Variants in UNC5D observed in about 807,000 individuals in gnomAD.
UNC5D encodes the protein netrin receptor UNC5D.
UNC5D carries 39 observed loss-of-function variants against 105.4 expected under a neutral mutation model. The observed-to-expected ratio is 0.37, with a 90% CI of 0.29 to 0.48. The LOEUF (loss-of-function observed/expected upper bound fraction) is 0.48, where lower values mean the gene tolerates loss of function less well. Among genes scored for constraint, UNC5D ranks in the 20% least tolerant of loss-of-function variants. The pLI, the probability that UNC5D is intolerant of heterozygous loss-of-function variation, is 0.98. For missense variants in UNC5D, 991 were observed against 1,202.4 expected, an observed-to-expected ratio of 0.82 and a Z score of 2.60; for synonymous variants, 452 against 450.4, an observed-to-expected ratio of 1.00 and a Z score of -0.04.
At chr8:35,649,751 TC>T (rs1290621966) in intron 4 of UNC5D, among the ~76,000 whole-genome samples, 1 of 152,130 alleles carries the variant, frequency 6.6e-6, no homozygotes, top group Non-Finnish European at 1.5e-5. Context: ...TGGAAAAACA[TC>T]AGACAAACTC....
At chr8:35,389,129 A>G (rs1318749012) in intron 1 of UNC5D, among the ~76,000 whole-genome samples, 1 of 152,244 alleles carries the variant, frequency 6.6e-6, no homozygotes, top group Non-Finnish European at 1.5e-5. Flanking sequence ...TTTCTACACT[A>G]CATGTGTATC....
chr8:35,587,678 G>T (rs1202279929), intron 3 of UNC5D, among the ~76,000 whole-genome samples: 1 of 151,988 alleles, frequency 6.6e-6, no homozygotes, highest in Admixed American at 6.6e-5. Flanking sequence ...TTCTTTGATA[G>T]ACATCGTAGG....
chr8:35,719,139 T>TACACACACACAC (rs1281900246), intron 8 of UNC5D, among the ~76,000 whole-genome samples: 1 of 67,248 alleles, frequency 1.5e-5, no homozygotes, highest in Non-Finnish European at 3.2e-5. Context: ...CACATGTGCT[T>TACACACACACAC]ATACACACAC....
rs964263087 is a variant in UNC5D at position 35,603,084 on chromosome 8, T to C, written c.570+7427T>C. Among the ~76,000 whole-genome samples, 8 of 152,166 alleles carry C rather than the reference T, an allele frequency of 5.3e-5. No individual in the cohort carries two copies. In the East Asian group the frequency reaches 7.7e-4, roughly 15 times the overall value. On this transcript the variant is annotated intron_variant, in intron 4 of 16. Coordinates refer to ENST00000404895, the MANE Select transcript of UNC5D (RefSeq NM_080872.4). Reference sequence around the variant, plus strand: ...GATCTTAGTTATTTCTTGCCTTCTGTTAGCTTTTGAATGTGTTTGCTCTTG... The same window carrying C: ...GATCTTAGTTATTTCTTGCCTTCTGCTAGCTTTTGAATGTGTTTGCTCTTG...
chr8:35,297,102 T>C (rs1237809519), intron 1 of UNC5D, among the ~76,000 whole-genome samples: 2 of 152,202 alleles, frequency 1.3e-5, no homozygotes, highest in African/African-American at 2.4e-5. Context: ...TTTGCCTTCA[T>C]TGAGTACCAC....
chr8:35,348,962 A>G (rs755912264), intron 1 of UNC5D, among the ~76,000 whole-genome samples: 1 of 151,976 alleles, frequency 6.6e-6, no homozygotes, highest in Non-Finnish European at 1.5e-5. Context: ...TAACACAAAC[A>G]GTGTATTATC....
intron 15 of UNC5D, among the ~76,000 whole-genome samples, chr8:35,771,469 A>G (rs1224405533): frequency 6.6e-6 from 1 of 152,248 alleles, no homozygotes; most frequent in Admixed American, 6.5e-5. Context: ...AAGTCAGAAA[A>G]TATGCAAGGA....
At chr8:35,455,730 G>A (rs575506161) in intron 1 of UNC5D, among the ~76,000 whole-genome samples, 12 of 151,662 alleles carry the variant, frequency 7.9e-5, no homozygotes, top group Non-Finnish European at 1.6e-4. Flanking sequence ...TGGCTGAGGA[G>A]GCCTCACAAT....
chr8:35,264,716 C>A (rs1295508640), intron 1 of UNC5D, among the ~76,000 whole-genome samples: 1 of 140,626 alleles, frequency 7.1e-6, no homozygotes, highest in Non-Finnish European at 1.5e-5. Flanking sequence ...GGTGATGGAG[C>A]AAGACTCTGT....
chr8:35,509,294 A>G (rs1812535472), intron 1 of UNC5D, among the ~76,000 whole-genome samples: 1 of 151,656 alleles, frequency 6.6e-6, no homozygotes, highest in African/African-American at 2.4e-5. Flanking sequence ...TAGGTTTACT[A>G]TTGTAGCAAA....
intron 8 of UNC5D, among the ~76,000 whole-genome samples, chr8:35,721,761 T>C (rs181088311): frequency 1.3e-5 from 2 of 152,332 alleles, no homozygotes; most frequent in East Asian, 3.9e-4. Flanking sequence ...TGCCCTAGAC[T>C]GCTCTCTGCA....
At chr8:35,621,320 A>T (rs965390344) in intron 4 of UNC5D, among the ~76,000 whole-genome samples, 1 of 152,052 alleles carries the variant, frequency 6.6e-6, no homozygotes, top group South Asian at 2.1e-4. Flanking sequence ...GGGAGTGAGT[A>T]TCACGCCTCA....
chr8:35,782,980 AT>A (rs1802572943), intron 16 of UNC5D, among the ~76,000 whole-genome samples: 1 of 151,784 alleles, frequency 6.6e-6, no homozygotes, highest in Non-Finnish European at 1.5e-5. Context: ...ACCAAAAATA[AT>A]TTTTTAAAAA....
intron 1 of UNC5D, among the ~76,000 whole-genome samples, chr8:35,527,319 T>G (rs1438347345): frequency 6.6e-6 from 1 of 152,226 alleles, no homozygotes; most frequent in Non-Finnish European, 1.5e-5. Context: ...AAGATGGGCA[T>G]CTGTCGCAGT....
At chr8:35,724,868 C>A (rs1828775139) in intron 9 of UNC5D, among the ~76,000 whole-genome samples, 1 of 152,182 alleles carries the variant, frequency 6.6e-6, no homozygotes, top group African/African-American at 2.4e-5. Context: ...CTGAAGAACT[C>A]AGTGCAGACC....
intron 15 of UNC5D, among the ~76,000 whole-genome samples, chr8:35,767,440 C>G (rs540214394): frequency 3.9e-4 from 60 of 152,292 alleles, no homozygotes; most frequent in African/African-American, 1.4e-3. Context: ...CACAAAGAGG[C>G]ACAAAGCCAC....
chr8:35,705,171 A>G (rs371105687), intron 7 of UNC5D, among the ~76,000 whole-genome samples: 16 of 152,120 alleles, frequency 1.1e-4, no homozygotes, highest in East Asian at 7.8e-4. Flanking sequence ...TCACCGTGTT[A>G]GCCAGGATGG....
At position 35,244,758 on chromosome 8, in the gene UNC5D, C is replaced by T. The variant is rs578120908; in HGVS notation, c.103+8871C>T. ...GGTCACAGTGGCTCATGCCTATAAT[C>T]CCAGCACTTTGGGAGGCTGAGGTGG... On this transcript the variant is annotated intron_variant, in intron 1 of 16. Coordinates refer to ENST00000404895, the MANE Select transcript of UNC5D (RefSeq NM_080872.4). Among the ~76,000 whole-genome samples, 7 of 129,480 alleles carry T rather than the reference C, an allele frequency of 5.4e-5. No homozygotes were observed. In the East Asian group the frequency reaches 8.5e-4, roughly 16 times the overall value. 84.9% of individuals were successfully genotyped at this position (129,480 alleles called of 152,430 possible). A position where few individuals can be genotyped will look rare whatever the true frequency, so the allele number is the denominator to read the frequency against.
chr8:35,635,194 C>G (rs1340532309), intron 4 of UNC5D, among the ~76,000 whole-genome samples: 1 of 152,142 alleles, frequency 6.6e-6, no homozygotes, highest in Non-Finnish European at 1.5e-5. Flanking sequence ...CCCTTATTCT[C>G]TTCTTTCCTT....
Sources: allele counts gnomAD v4.1 joint callset (sites outside exome capture counted in the v4.1 genomes callset), GRCh38; gene constraint gnomAD v4.1.1; transcripts MANE v1.5; gene names NCBI Gene and HGNC (gene_info 2026-07-23, HGNC 2026-07-21).